The following HS2ST1 variants were observed in gnomAD, a reference collection of about 807,000 sequenced individuals.
HS2ST1 encodes heparan sulfate 2-O-sulfotransferase 1, also known as 2-O-sulfotransferase.
A neutral mutation model predicts 42.9 loss-of-function variants in HS2ST1; 18 were observed. The observed-to-expected ratio is 0.42, with a 90% CI of 0.29 to 0.62. The LOEUF (loss-of-function observed/expected upper bound fraction) is 0.62. Ranked by LOEUF, HS2ST1 falls within the 20% of genes least tolerant of loss-of-function variation. The pLI is 0.21. For synonymous variants in HS2ST1, 146 were observed against 152.9 expected, an observed-to-expected ratio of 0.95 and a Z score of 0.33; for missense variants, 334 against 433.8, an observed-to-expected ratio of 0.77 and a Z score of 2.04.
At chr1:86,946,618 T>C (rs921365874) in intron 1 of HS2ST1, among the ~76,000 whole-genome samples, 2 of 152,202 alleles carry the variant, frequency 1.3e-5, no homozygotes, top group Admixed American at 6.5e-5. Context: ...TGAAATCCGC[T>C]TGGCTGAAGA....
intron 5 of HS2ST1, among the ~76,000 whole-genome samples, chr1:87,099,627 C>T (rs981783775): frequency 1.3e-5 from 2 of 152,208 alleles, no homozygotes; most frequent in Admixed American, 6.5e-5. Flanking sequence ...CTCACCAAAT[C>T]TCATGTCTTT....
intron 2 of HS2ST1, among the ~76,000 whole-genome samples, chr1:87,075,738 T>C (rs992289439): frequency 1.3e-5 from 2 of 152,188 alleles, no homozygotes; most frequent in Admixed American, 1.3e-4. Flanking sequence ...GGTATTGTTC[T>C]AAACTGTTTA....
chr1:86,927,401 G>T (rs1047381364), intron 1 of HS2ST1, among the ~76,000 whole-genome samples: 4 of 152,096 alleles, frequency 2.6e-5, no homozygotes, highest in Non-Finnish European at 5.9e-5. Flanking sequence ...GTAACTCTTG[G>T]CTTCTCCTGT....
intron 1 of HS2ST1, among the ~76,000 whole-genome samples, chr1:87,020,150 T>C (rs1187771757): frequency 6.6e-6 from 1 of 152,330 alleles, no homozygotes; most frequent in East Asian, 1.9e-4. Flanking sequence ...TTTGAGAGTA[T>C]TAACATTTAC....
chr1:87,069,725 C>T (rs2100631876), intron 1 of HS2ST1, among the ~76,000 whole-genome samples: 1 of 152,084 alleles, frequency 6.6e-6, no homozygotes, highest in East Asian at 1.9e-4. Flanking sequence ...CATGTAAATA[C>T]TATTTGAATG....
rs72955590 is a variant in HS2ST1 at position 87,089,496 on chromosome 1, G to A, written c.450-3035G>A. ...CTGAAATGATTGACCAGAGTTAAAG[G>A]TGAGGTCTGACCACAGACTTCCTAT... On this transcript the variant is annotated intron_variant, in intron 3 of 6. Transcript: ENST00000370550. Among the ~76,000 whole-genome samples the A allele has an allele frequency of 3.8e-3, 577 of 152,080 alleles. 4 individuals carry two copies. The highest frequency in any genetic ancestry group is 0.013 in the African/African-American group (538 of 41,520).
At chr1:86,996,533 G>T (rs960544479) in intron 1 of HS2ST1, among the ~76,000 whole-genome samples, 1 of 151,646 alleles carries the variant, frequency 6.6e-6, no homozygotes, top group African/African-American at 2.4e-5. Flanking sequence ...GCCCATCTTG[G>T]CTGGAGATGG....
intron 1 of HS2ST1, among the ~76,000 whole-genome samples, chr1:87,050,140 T>G (rs764598831): frequency 6.6e-6 from 1 of 152,024 alleles, no homozygotes; most frequent in African/African-American, 2.4e-5. Flanking sequence ...TTCTCTCATT[T>G]AAAGTGGTTT....
chr1:86,924,147 G>T (rs1020936514), intron 1 of HS2ST1, among the ~76,000 whole-genome samples: 1 of 152,222 alleles, frequency 6.6e-6, no homozygotes, highest in African/African-American at 2.4e-5. Flanking sequence ...ATCCAGCGGG[G>T]CAGTGAAATC....
chr1:86,979,148 C>A, intron 1 of HS2ST1, among the ~76,000 whole-genome samples: 1 of 152,168 alleles, frequency 6.6e-6, no homozygotes, highest in Middle Eastern at 3.4e-3. Context: ...GAGCCACTGC[C>A]GCTGGCTGTG....
At position 87,107,093 on chromosome 1, in the gene HS2ST1, A is replaced by G. The variant is rs1441206852; in HGVS notation, c.*2397A>G. ...AACTTTATTTACAAAAACAGATGAC[A>G]TCCCAGATGCAGACCATGGGCAACC... On this transcript the variant is annotated 3_prime_UTR_variant, in exon 7 of 7. Coordinates refer to ENST00000370550, the MANE Select transcript of HS2ST1 (RefSeq NM_012262.4). The G allele has an allele frequency of 1.3e-5, 2 of 152,210 alleles. No individual in the cohort carries two copies. The highest frequency in any genetic ancestry group is 3.9e-4 in the East Asian group (2 of 5,192). 9.4% of individuals were successfully genotyped at this position (152,210 alleles called of 1,614,324 possible).
At chr1:87,042,611 A>T (rs1213447061) in intron 1 of HS2ST1, among the ~76,000 whole-genome samples, 2 of 151,970 alleles carry the variant, frequency 1.3e-5, no homozygotes, top group Non-Finnish European at 2.9e-5. Context: ...GAGAGGAAGT[A>T]CTCTTTTGCA....
At chr1:86,919,272 A>T (rs1401670555) in intron 1 of HS2ST1, among the ~76,000 whole-genome samples, 1 of 152,004 alleles carries the variant, frequency 6.6e-6, no homozygotes, top group East Asian at 1.9e-4. Flanking sequence ...CAAGTTTGCC[A>T]TTTGTTTCTT....
At position 87,062,868 on chromosome 1, in the gene HS2ST1, G is replaced by A. The variant is rs753362585; in HGVS notation, c.125-10066G>A. Among the ~76,000 whole-genome samples the A allele has an allele frequency of 5.3e-5, 8 of 152,212 alleles. No homozygotes were observed. The East Asian group carries it at 9.6e-4, about 18-fold the overall frequency. On this transcript the variant is annotated intron_variant, in intron 1 of 6. Transcript: ENST00000370550. ...CCACTTCCTATTGGCTCCATGGTTCGTGATAAGAAATCTGCTGTTAATCCA... is the reference window on the plus strand; with the variant it reads ...CCACTTCCTATTGGCTCCATGGTTCATGATAAGAAATCTGCTGTTAATCCA...
chr1:86,977,376 AG>A (rs1277931528), intron 1 of HS2ST1, among the ~76,000 whole-genome samples: 1 of 152,240 alleles, frequency 6.6e-6, no homozygotes, highest in African/African-American at 2.4e-5. Flanking sequence ...GGCACGCACA[AG>A]GGAGTGAGAA....
At position 86,990,060 on chromosome 1, in the gene HS2ST1, T is replaced by G. The variant is rs112221173; in HGVS notation, c.124+74900T>G. ...CATGTGTCTTTATAGTAGAATGAAT[T>G]ATAATCCTTTGAGTATATACCCAGT... On this transcript the variant is annotated intron_variant, in intron 1 of 6. Coordinates refer to ENST00000370550, the MANE Select transcript of HS2ST1 (RefSeq NM_012262.4). 2.7e-3 allele frequency among the ~76,000 whole-genome samples: 407 copies of G among 152,220 alleles called. 2 individuals are homozygous for G. Among genetic ancestry groups the G allele is most frequent in the Non-Finnish European group, 4.0e-3 (271 of 68,020 alleles).
chr1:86,962,770 A>G (rs919116735), intron 1 of HS2ST1, among the ~76,000 whole-genome samples: 1 of 152,148 alleles, frequency 6.6e-6, no homozygotes, highest in African/African-American at 2.4e-5. Context: ...TTTTTTTTCA[A>G]AGTAAATATA....
intron 1 of HS2ST1, among the ~76,000 whole-genome samples, chr1:86,992,409 A>G (rs1648980607): frequency 6.6e-6 from 1 of 150,588 alleles, no homozygotes; most frequent in Admixed American, 6.6e-5. Context: ...CTTGCTGCCC[A>G]GGCCTGGAGT....
At chr1:86,956,682 G>C (rs1024670260) in intron 1 of HS2ST1, 3 of 152,006 alleles carry the variant, frequency 2.0e-5, no homozygotes, top group African/African-American at 7.2e-5. Context: ...AAAACCTGTA[G>C]CTTAGTTAGG....
Sources: gnomAD v4.1 joint callset for allele counts (sites outside exome capture counted in the v4.1 genomes callset) on GRCh38, gnomAD v4.1.1 for gene constraint, MANE v1.5 for transcripts, NCBI Gene and HGNC (gene_info 2026-07-23, HGNC 2026-07-21) for gene names.